PEBP4: variants seen among roughly 807,000 people sequenced by gnomAD.
The protein encoded by PEBP4 is phosphatidylethanolamine binding protein 4.
In PEBP4, 22 loss-of-function variants were observed where a neutral mutation model predicts 23.9. That is an observed-to-expected ratio of 0.92 (90% CI 0.66 to 1.31). The LOEUF (loss-of-function observed/expected upper bound fraction) is 1.31. PEBP4 is among the 40% of genes most tolerant of loss of function. The pLI, the probability that PEBP4 is intolerant of heterozygous loss-of-function variation, is 0.00. For synonymous variants in PEBP4, 112 were observed against 99.3 expected, an observed-to-expected ratio of 1.13 and a Z score of -0.76; for missense variants, 324 against 281.7, an observed-to-expected ratio of 1.15 and a Z score of -1.07.
intron 4 of PEBP4, 80 bp from the exon 5 acceptor site, chr8:22,727,300 C>G: frequency 7.2e-7 from 1 of 1,397,810 alleles, no homozygotes; most frequent in East Asian, 2.3e-5. Flanking sequence ...GATTGCTTCT[C>G]TCTCTGCAGG....
intron 4 of PEBP4, among the ~76,000 whole-genome samples, chr8:22,760,514 G>A (rs79633213): frequency 0.013 from 2,033 of 152,274 alleles, 16 homozygotes; most frequent in South Asian, 0.032. Flanking sequence ...AGAGGCCATG[G>A]GGGTTGAGGC....
chr8:22,827,363 G>T (rs924981183), intron 3 of PEBP4, among the ~76,000 whole-genome samples: 1 of 152,264 alleles, frequency 6.6e-6, no homozygotes, highest in East Asian at 1.9e-4. Flanking sequence ...ATCCCAGAAA[G>T]AAATTTTGTA....
At chr8:22,909,457 G>A (rs948105922) in intron 3 of PEBP4, among the ~76,000 whole-genome samples, 7 of 152,162 alleles carry the variant, frequency 4.6e-5, no homozygotes, top group Non-Finnish European at 8.8e-5. Flanking sequence ...GTACCCCCAC[G>A]TAATTTCCTC....
intron 3 of PEBP4, among the ~76,000 whole-genome samples, chr8:22,828,817 G>T (rs1216607977): frequency 6.6e-6 from 1 of 152,066 alleles, no homozygotes; most frequent in Non-Finnish European, 1.5e-5. Flanking sequence ...CAACACCATG[G>T]CCTCTCTGGT....
intron 3 of PEBP4, among the ~76,000 whole-genome samples, chr8:22,916,458 C>T (rs149320197): frequency 2.6e-4 from 40 of 152,346 alleles, no homozygotes; most frequent in African/African-American, 9.4e-4. Flanking sequence ...ACCTGCCTGA[C>T]TTCCTCTCTT....
intron 4 of PEBP4, among the ~76,000 whole-genome samples, chr8:22,739,053 G>T (rs1419696750): frequency 2.0e-5 from 3 of 152,168 alleles, no homozygotes; most frequent in Non-Finnish European, 4.4e-5. Context: ...CTGGCAGGGG[G>T]CCAGGACAAA....
intron 4 of PEBP4, among the ~76,000 whole-genome samples, chr8:22,800,034 A>G (rs138022482): frequency 6.6e-6 from 1 of 152,332 alleles, no homozygotes; most frequent in African/African-American, 2.4e-5. Context: ...ATAAAAAAGG[A>G]TGAGTTAATA....
chr8:22,754,720 G>A (rs919674438), intron 4 of PEBP4: 1 of 152,238 alleles, frequency 6.6e-6, no homozygotes, highest in African/African-American at 2.4e-5. Context: ...AGCTAGGCAG[G>A]GAGTATGGAT....
At chr8:22,910,042 C>A (rs192717870) in intron 3 of PEBP4, among the ~76,000 whole-genome samples, 110 of 152,320 alleles carry the variant, frequency 7.2e-4, no homozygotes, top group Middle Eastern at 3.4e-3. Context: ...TGAGGAGGCT[C>A]AAACGAGGTA....
intron 6 of PEBP4, among the ~76,000 whole-genome samples, chr8:22,719,115 C>T (rs1332774931): frequency 6.6e-6 from 1 of 152,150 alleles, no homozygotes; most frequent in African/African-American, 2.4e-5. Flanking sequence ...CTCTGAGCTG[C>T]CGAATTTGGG....
intron 5 of PEBP4, 152 bp downstream of exon 5, chr8:22,727,023 C>T: frequency 2.5e-6 from 2 of 786,086 alleles, no homozygotes; most frequent in Non-Finnish European, 4.3e-6. Flanking sequence ...TGGCAGTGAC[C>T]ATAAAAGGCA....
chr8:22,869,055 T>TGAGTTAAGGA (rs1807958836), intron 3 of PEBP4, among the ~76,000 whole-genome samples: 1 of 152,192 alleles, frequency 6.6e-6, no homozygotes. Flanking sequence ...CACACTGGCC[T>TGAGTTAAGGA]CCTTGCAGTT....
chr8:22,899,992 T>C (rs1808679624), intron 3 of PEBP4, among the ~76,000 whole-genome samples: 2 of 152,094 alleles, frequency 1.3e-5, no homozygotes, highest in African/African-American at 4.8e-5. Context: ...GAAGGAGACC[T>C]GGCTTGCGGT....
chr8:22,907,845 G>C (rs1257397437), intron 3 of PEBP4, among the ~76,000 whole-genome samples: 1 of 152,158 alleles, frequency 6.6e-6, no homozygotes, highest in Non-Finnish European at 1.5e-5. Context: ...ACCCAGGTTG[G>C]GAGGATGGTG....
chr8:22,729,845 T>C (rs967378673), intron 4 of PEBP4, among the ~76,000 whole-genome samples: 51 of 152,208 alleles, frequency 3.4e-4, no homozygotes, highest in African/African-American at 1.2e-3. Context: ...TCGGATTGTC[T>C]TGAGAATTGC....
intron 4 of PEBP4, among the ~76,000 whole-genome samples, chr8:22,794,832 C>G (rs1178197599): frequency 6.6e-6 from 1 of 151,994 alleles, no homozygotes; most frequent in East Asian, 1.9e-4. Flanking sequence ...AAAGCCTGTT[C>G]TCTTCTGATT....
chr8:22,907,299 A>C (rs1808837404), intron 3 of PEBP4, among the ~76,000 whole-genome samples: 1 of 152,116 alleles, frequency 6.6e-6, no homozygotes, highest in African/African-American at 2.4e-5. Flanking sequence ...GTCTTTACTA[A>C]AAATATAAAA....
At chr8:22,782,375 C>T (rs546661642) in intron 4 of PEBP4, among the ~76,000 whole-genome samples, 16 of 152,338 alleles carry the variant, frequency 1.1e-4, no homozygotes, top group African/African-American at 3.6e-4. Context: ...CACACACTGT[C>T]GAGCACCTAC....
At chr8:22,898,434 C>CAAAAAA (rs1554495562) in intron 3 of PEBP4, among the ~76,000 whole-genome samples, 1 of 126,414 alleles carries the variant, frequency 7.9e-6, no homozygotes, top group African/African-American at 2.9e-5. Context: ...AAAAAAAACC[C>CAAAAAA]ACCCAGTCTA....
Sources: gnomAD v4.1 joint callset for allele counts (sites outside exome capture counted in the v4.1 genomes callset) on GRCh38, gnomAD v4.1.1 for gene constraint, MANE v1.5 for transcripts, NCBI Gene and HGNC (gene_info 2026-07-23, HGNC 2026-07-21) for gene names.